The following ASB18 variants were observed in gnomAD, a reference collection of about 807,000 sequenced individuals.
ASB18 encodes ankyrin repeat and SOCS box protein 18.
In ASB18, 33 loss-of-function variants were observed where a neutral mutation model predicts 33.4. That is an observed-to-expected ratio of 0.99 (90% CI 0.75 to 1.32). The LOEUF (loss-of-function observed/expected upper bound fraction) is 1.32, where lower values mean the gene tolerates loss of function less well. ASB18 is among the 40% of genes most tolerant of loss of function. ASB18 has a pLI of 0.00. For synonymous variants in ASB18, 295 were observed against 307.6 expected (o/e 0.96, Z 0.43); for missense variants, 694 against 655.5 (o/e 1.06, Z -0.64).
chr2:236,236,402 C>G (rs1026713978), intron 3 of ASB18, among the ~76,000 whole-genome samples: 1 of 152,144 alleles, frequency 6.6e-6, no homozygotes, highest in Non-Finnish European at 1.5e-5. Flanking sequence ...GAACCGTGGG[C>G]ACCGTGAGGC....
Position 236,248,464 on chromosome 2 carries a change from A to G in ASB18, c.206-7062T>C. The G allele has an allele frequency of 6.6e-6, 1 of 152,354 alleles. No homozygotes were observed. Among genetic ancestry groups the G allele is most frequent in the Non-Finnish European group, 1.5e-5 (1 of 68,118 alleles). The allele number at this position is 152,354 out of a possible 1,614,324, so 9.4% of individuals were successfully genotyped here. Reference sequence around the variant, plus strand: ...AAAAATTAGCTGGGCAAGGTGGCGCACGCCTGTAGTCCCAGCTTCTTGGGA... The same window carrying G: ...AAAAATTAGCTGGGCAAGGTGGCGCGCGCCTGTAGTCCCAGCTTCTTGGGA... On this transcript the variant is annotated intron_variant, in intron 1 of 5. Transcript: ENST00000409749. The surrounding 1 kb of genome is among the most constrained non-coding windows in gnomAD (Gnocchi z 4.9).
In ASB18 at chr2:236,214,342, C is replaced by A. The variant is rs555477027; in HGVS notation, c.1101+20G>T. 9.6e-6 allele frequency: 15 copies of A among 1,558,728 alleles called. 1 individual carries two copies. In the African/African-American group the frequency reaches 1.5e-4, roughly 16 times the overall value. ...GCAAAACTCCAGGGCACGTGCCAGCCGGGCTGGATCCTGCCTTACCTTGGG... is the reference window on the plus strand; with the variant it reads ...GCAAAACTCCAGGGCACGTGCCAGCAGGGCTGGATCCTGCCTTACCTTGGG... On this transcript the variant is annotated intron_variant, in intron 4 of 5. Coordinates refer to ENST00000409749, the MANE Select transcript of ASB18 (RefSeq NM_212556.4). The surrounding 1 kb of genome is among the most constrained non-coding windows in gnomAD (Gnocchi z 6.5).
chr2:236,219,250 T>C lies in ASB18; in HGVS notation c.597-4384A>G, dbSNP rs75583335. On this transcript the variant is annotated intron_variant, in intron 3 of 5. Coordinates refer to ENST00000409749, the MANE Select transcript of ASB18 (RefSeq NM_212556.4). This position sits in a 1 kb window ranked among gnomAD's most constrained non-coding sequence, Gnocchi z 6.4. ...GGCATAGTGGGAGCTTGTTTCCTTT[T>C]TGCCTGCATGCGTTTTTCAAGTTAT... 0.05 allele frequency among the ~76,000 whole-genome samples: 7,630 copies of C among 152,216 alleles called. 667 individuals carry two copies. The highest frequency in any genetic ancestry group is 0.17 in the African/African-American group (7,210 of 41,494).
chr2:236,196,366 G>T lies in ASB18; in HGVS notation c.1121C>A (p.Ser374Tyr). The T allele has an allele frequency of 6.4e-7, 1 of 1,564,420 alleles. No individual in the cohort carries two copies. The highest frequency in any genetic ancestry group is 8.7e-7 in the Non-Finnish European group (1 of 1,153,442). The change falls in exon 5 of 6, where the codon TCT becomes TAT. Residue 374 changes from serine (S) to tyrosine (Y), a missense_variant. By Grantham distance (144) the Ser-to-Tyr change is moderately radical. Coordinates refer to ENST00000409749, the MANE Select transcript of ASB18 (RefSeq NM_212556.4). This position sits in a 1 kb window ranked among gnomAD's most constrained non-coding sequence, Gnocchi z 5.6. ...AFPKVLKTCASVPAVIEVLFN... is the reference protein window; with the variant it reads ...AFPKVLKTCAYVPAVIEVLFN... ...AAGCACCTCGATGACTGCGGGGACAGATGCACAGGTCTTCAGCACCTGGTG... is the reference window on the plus strand; with the variant it reads ...AAGCACCTCGATGACTGCGGGGACATATGCACAGGTCTTCAGCACCTGGTG...
chr2:236,206,179 T>A (rs898980774), intron 4 of ASB18, among the ~76,000 whole-genome samples: 1 of 147,362 alleles, frequency 6.8e-6, no homozygotes, highest in African/African-American at 2.7e-5. Context: ...CTTTCTCTTT[T>A]AGTTTCTTGG....
In ASB18 at chr2:236,257,661, G is replaced by A. The variant is rs1352497642; in HGVS notation, c.205+6480C>T. ...CAAAATGTCTCTGGGTGGGTAGGCA[G>A]CAAGAGCCCCTGACTACAAGTCAGG... is the stretch of plus-strand genomic sequence containing the variant. On this transcript the variant is annotated intron_variant, in intron 1 of 5. Transcript: ENST00000409749. The surrounding 1 kb of genome is among the most constrained non-coding windows in gnomAD (Gnocchi z 5.5). 1.3e-5 allele frequency among the ~76,000 whole-genome samples: 2 copies of A among 152,184 alleles called. No homozygotes were observed. The highest frequency in any genetic ancestry group is 2.4e-5 in the African/African-American group (1 of 41,448).
At chr2:236,207,993 T>G (rs1228630529) in intron 4 of ASB18, among the ~76,000 whole-genome samples, 1 of 152,100 alleles carries the variant, frequency 6.6e-6, no homozygotes, top group Non-Finnish European at 1.5e-5. Flanking sequence ...CATCTGTGCC[T>G]TCAAAGCTAT....
rs1048501258 is a variant in ASB18, at chr2:236,209,635, C to T, written c.1101+4727G>A. ...TGTGAATCCCTTACCTGGACTGCCA[C>T]CACAGCCTGTGGTTTCCATCAGCCC... On this transcript the variant is annotated intron_variant, in intron 4 of 5. Coordinates refer to ENST00000409749, the MANE Select transcript of ASB18 (RefSeq NM_212556.4). The surrounding 1 kb of genome is among the most constrained non-coding windows in gnomAD (Gnocchi z 4.4). 1.3e-5 allele frequency among the ~76,000 whole-genome samples: 2 copies of T among 152,228 alleles called. No individual in the cohort carries two copies. The highest frequency in any genetic ancestry group is 3.8e-4 in the East Asian group (2 of 5,200).
intron 3 of ASB18, among the ~76,000 whole-genome samples, chr2:236,236,296 T>G (rs1246019854): frequency 6.6e-6 from 1 of 152,066 alleles, no homozygotes; most frequent in Non-Finnish European, 1.5e-5. Context: ...AGACTGCAGA[T>G]TCCATTTATA....
Position 236,231,840 on chromosome 2 carries a change from G to C in ASB18, c.596+5849C>G, listed in dbSNP as rs899934169. On this transcript the variant is annotated intron_variant, in intron 3 of 5. Coordinates refer to ENST00000409749, the MANE Select transcript of ASB18 (RefSeq NM_212556.4). This position sits in a 1 kb window ranked among gnomAD's most constrained non-coding sequence, Gnocchi z 5.5. ...CTAAGCATTTATGTACCTAATAATA[G>C]AGCTTCAAATTACTTGAAACAAAAA... 1.1e-4 allele frequency among the ~76,000 whole-genome samples: 16 copies of C among 152,326 alleles called. No individual in the cohort carries two copies. Among genetic ancestry groups the C allele is most frequent in the African/African-American group, 3.6e-4 (15 of 41,576 alleles).
rs2060696699 is a variant in ASB18, at chr2:236,257,236, C to T, written c.205+6905G>A. The stretch of plus-strand genomic sequence containing the variant: ...GAATCAAAGTAATAAGAGCAATGCT[C>T]AGGCTGGTGGTGGGATAGTGTCATT... On this transcript the variant is annotated intron_variant, in intron 1 of 5. Transcript: ENST00000409749. This position sits in a 1 kb window ranked among gnomAD's most constrained non-coding sequence, Gnocchi z 5.5. 6.6e-6 allele frequency among the ~76,000 whole-genome samples: 1 copy of T among 152,172 alleles called. No homozygotes were observed. The highest frequency in any genetic ancestry group is 6.5e-5 in the Admixed American group (1 of 15,278).
At chr2:236,218,580 C>A (rs1240070019) in intron 3 of ASB18, among the ~76,000 whole-genome samples, 1 of 151,992 alleles carries the variant, frequency 6.6e-6, no homozygotes, top group Non-Finnish European at 1.5e-5. Context: ...CGGCGGATTG[C>A]GAGGTCAGGA....
chr2:236,227,676 C>T (rs1259142533), intron 3 of ASB18, among the ~76,000 whole-genome samples: 1 of 152,224 alleles, frequency 6.6e-6, no homozygotes, highest in African/African-American at 2.4e-5. Flanking sequence ...AATCAATACA[C>T]AATTGAATAA....
In ASB18 at chr2:236,260,489, TCC is replaced by T. The variant is rs202211542; in HGVS notation, c.205+3650_205+3651del. Among the ~76,000 whole-genome samples, 6,598 of 152,296 alleles carry T rather than the reference TCC, an allele frequency of 0.043. 234 individuals carry two copies. The highest frequency in any genetic ancestry group is 0.1 in the African/African-American group (4,333 of 41,548). On this transcript the variant is annotated intron_variant, in intron 1 of 5. Transcript: ENST00000409749. This position sits in a 1 kb window ranked among gnomAD's most constrained non-coding sequence, Gnocchi z 5.1. ...TAAAGACCCTACATGTAGCTTAGAA[TCC>T]AAACAGCTCTTTCTCCCATCAAGGA...
intron 4 of ASB18, among the ~76,000 whole-genome samples, chr2:236,202,814 T>TATATATATATACATATACACAC (rs1472095135): frequency 7.9e-6 from 1 of 126,576 alleles, no homozygotes; most frequent in African/African-American, 3.2e-5. Context: ...TATATATATA[T>TATATATATATACATATACACAC]ACACACACCT....
In ASB18 at chr2:236,203,394, G is replaced by A. The variant is rs2060415584; in HGVS notation, c.1102-7009C>T. The stretch of plus-strand genomic sequence containing the variant: ...GTATTATGCCAGGTTTGGGAGGTGA[G>A]AAGGAGCAAATAATGTTGGCTGGGG... On this transcript the variant is annotated intron_variant, in intron 4 of 5. Transcript: ENST00000409749. This position sits in a 1 kb window ranked among gnomAD's most constrained non-coding sequence, Gnocchi z 6.0. Among the ~76,000 whole-genome samples the A allele has an allele frequency of 6.6e-6, 1 of 152,190 alleles. No individual in the cohort carries two copies. The highest frequency in any genetic ancestry group is 1.5e-5 in the Non-Finnish European group (1 of 68,046).
rs1426899780 is a variant in ASB18 at position 236,234,179 on chromosome 2, C to T, written c.596+3510G>A. Among the ~76,000 whole-genome samples the T allele has an allele frequency of 6.6e-6, 1 of 152,174 alleles. No individual in the cohort carries two copies. Among genetic ancestry groups the T allele is most frequent in the Non-Finnish European group, 1.5e-5 (1 of 68,028 alleles). Reference sequence around the variant, plus strand: ...CTACTGAATCTACGTCTTGGTAGAACACCTGGATACTCCTGGGTTGGAAGC... The same window carrying T: ...CTACTGAATCTACGTCTTGGTAGAATACCTGGATACTCCTGGGTTGGAAGC... On this transcript the variant is annotated intron_variant, in intron 3 of 5. Coordinates refer to ENST00000409749, the MANE Select transcript of ASB18 (RefSeq NM_212556.4). This position sits in a 1 kb window ranked among gnomAD's most constrained non-coding sequence, Gnocchi z 4.1.
Position 236,213,533 on chromosome 2 carries a change from T to A in ASB18, c.1101+829A>T, listed in dbSNP as rs957257477. 2 of 152,252 alleles carry A rather than the reference T, an allele frequency of 1.3e-5. No homozygotes were observed. The highest frequency in any genetic ancestry group is 4.8e-5 in the African/African-American group (2 of 41,468). The allele number at this position is 152,252 out of a possible 1,614,324, so 9.4% of individuals were successfully genotyped here. On this transcript the variant is annotated intron_variant, in intron 4 of 5. Transcript: ENST00000409749. This position sits in a 1 kb window ranked among gnomAD's most constrained non-coding sequence, Gnocchi z 4.8. ...CACCCGGATTTTACATCTAATGGAA[T>A]GACTTCCCTTCAATGAAGTCTTTTC...
rs180948269 is a variant in ASB18 at position 236,221,100 on chromosome 2, C to T, written c.597-6234G>A. ...TTAAGCAGTGGTCTAAAGGGCAGGG[C>T]CCGGCAGAGGATGGTGGCCTTGCAG... On this transcript the variant is annotated intron_variant, in intron 3 of 5. Coordinates refer to ENST00000409749, the MANE Select transcript of ASB18 (RefSeq NM_212556.4). The surrounding 1 kb of genome is among the most constrained non-coding windows in gnomAD (Gnocchi z 5.6). Among the ~76,000 whole-genome samples, 5 of 152,222 alleles carry T rather than the reference C, an allele frequency of 3.3e-5. No individual in the cohort carries two copies. In the East Asian group the frequency reaches 9.7e-4, roughly 29 times the overall value.
Sources: allele counts gnomAD v4.1 joint callset (sites outside exome capture counted in the v4.1 genomes callset), GRCh38; gene constraint gnomAD v4.1.1; non-coding constraint Gnocchi (gnomAD v3.1); transcripts MANE v1.5; gene names NCBI Gene and HGNC (gene_info 2026-07-23, HGNC 2026-07-21).